MBD5: variants seen among roughly 807,000 people sequenced by gnomAD.
MBD5 encodes the protein methyl-CpG-binding domain protein 5.
In MBD5, 13 loss-of-function variants were observed where a neutral mutation model predicts 117.3. The observed-to-expected ratio is 0.11, with a 90% CI of 0.07 to 0.18. The LOEUF is 0.18. Among genes scored for constraint, MBD5 ranks in the 10% least tolerant of loss-of-function variants. MBD5 has a pLI of 1.00. For missense variants in MBD5, 1,879 were observed against 2,093.8 expected (o/e 0.90, Z 2.00); for synonymous variants, 727 against 766.4 (o/e 0.95, Z 0.85).
At chr2:148,151,819 G>T (rs888347968) in intron 1 of MBD5, among the ~76,000 whole-genome samples, 2 of 151,752 alleles carry the variant, frequency 1.3e-5, no homozygotes, top group African/African-American at 2.4e-5. Flanking sequence ...GCGTCTATTT[G>T]ATTCTTCTCT....
At chr2:148,282,270 T>C (rs1418172141) in intron 3 of MBD5, among the ~76,000 whole-genome samples, 2 of 152,148 alleles carry the variant, frequency 1.3e-5, no homozygotes, top group Admixed American at 1.3e-4. Context: ...ACCCATCACC[T>C]TTGGCATATA....
In MBD5 at chr2:148,420,645, A is replaced by G. The variant is rs546174431; in HGVS notation, c.-556-37558A>G. ...TTTTGTTTTCACTTTTTCTATCACT[A>G]TACTCAAGCCAGGTCCAGCTCTACC... On this transcript the variant is annotated intron_variant, in intron 4 of 13. Transcript: ENST00000642680. Among the ~76,000 whole-genome samples, 9 of 152,276 alleles carry G rather than the reference A, an allele frequency of 5.9e-5. No individual in the cohort carries two copies. The East Asian group carries it at 1.7e-3, about 29-fold the overall frequency.
intron 1 of MBD5, among the ~76,000 whole-genome samples, chr2:148,032,399 AT>A (rs576323632): frequency 1.3e-5 from 2 of 151,676 alleles, no homozygotes; most frequent in African/African-American, 4.8e-5. Context: ...ATCAAGAGGA[AT>A]TTTTTTTTGG....
chr2:148,097,392 G>T (rs963195243), intron 1 of MBD5, among the ~76,000 whole-genome samples: 3 of 152,216 alleles, frequency 2.0e-5, no homozygotes, highest in Non-Finnish European at 4.4e-5. Flanking sequence ...GGGAAGACAG[G>T]TAGCAACGAG....
At chr2:148,111,197 G>T (rs1696496804) in intron 1 of MBD5, among the ~76,000 whole-genome samples, 2 of 152,100 alleles carry the variant, frequency 1.3e-5, no homozygotes, top group South Asian at 4.1e-4. Flanking sequence ...GAGAAATCTG[G>T]CAGATATTGT....
chr2:148,490,882 C>T (rs1681503230), intron 11 of MBD5: 2 of 431,284 alleles, frequency 4.6e-6, no homozygotes, highest in South Asian at 2.3e-5. Context: ...TGCCTTCCCT[C>T]TCTACAGTTA....
At chr2:148,251,223 G>C (rs1700457095) in intron 3 of MBD5, among the ~76,000 whole-genome samples, 1 of 152,160 alleles carries the variant, frequency 6.6e-6, no homozygotes, top group African/African-American at 2.4e-5. Flanking sequence ...AGATTTTTCA[G>C]TCTAAATAAG....
At chr2:148,290,625 T>G (rs1701479012) in intron 3 of MBD5, among the ~76,000 whole-genome samples, 1 of 152,198 alleles carries the variant, frequency 6.6e-6, no homozygotes, top group Non-Finnish European at 1.5e-5. Flanking sequence ...CTCATTATTT[T>G]CTCTTCATTT....
chr2:148,376,041 T>C (rs1183276040), intron 4 of MBD5, among the ~76,000 whole-genome samples: 3 of 151,032 alleles, frequency 2.0e-5, no homozygotes, highest in East Asian at 1.9e-4. Context: ...ATCCCTGGCC[T>C]CTGCCTACTA....
intron 1 of MBD5, among the ~76,000 whole-genome samples, chr2:148,046,125 AG>A (rs1036914158): frequency 1.3e-5 from 2 of 151,906 alleles, no homozygotes; most frequent in African/African-American, 2.4e-5. Flanking sequence ...CTGGGACTAC[AG>A]GCGTGTGCCA....
chr2:148,080,237 A>G (rs1695616533), intron 1 of MBD5, among the ~76,000 whole-genome samples: 1 of 152,196 alleles, frequency 6.6e-6, no homozygotes, highest in Non-Finnish European at 1.5e-5. Context: ...TTTTGGTACA[A>G]TGGAAGCATT....
chr2:148,452,288 G>T (rs561029177), intron 4 of MBD5, among the ~76,000 whole-genome samples: 1 of 152,070 alleles, frequency 6.6e-6, no homozygotes, highest in Non-Finnish European at 1.5e-5. Flanking sequence ...TTGAGCTCAG[G>T]AGTTCAAGAC....
intron 1 of MBD5, among the ~76,000 whole-genome samples, chr2:148,151,832 T>G (rs1444967179): frequency 1.3e-5 from 2 of 151,926 alleles, no homozygotes; most frequent in Non-Finnish European, 2.9e-5. Flanking sequence ...TCTTCTCTCT[T>G]TCTTTCTTTA....
At chr2:148,168,221 G>A (rs1698173460) in intron 1 of MBD5, among the ~76,000 whole-genome samples, 1 of 152,000 alleles carries the variant, frequency 6.6e-6, no homozygotes, top group Non-Finnish European at 1.5e-5. Context: ...TATAACCTCT[G>A]GTTAAATTCC....
intron 3 of MBD5, among the ~76,000 whole-genome samples, chr2:148,320,312 A>T (rs538309416): frequency 6.6e-6 from 1 of 151,920 alleles, no homozygotes; most frequent in Non-Finnish European, 1.5e-5. Context: ...CTTTTGTTTT[A>T]TTGGGAGTTT....
chr2:148,403,769 G>A (rs756419829), intron 4 of MBD5, among the ~76,000 whole-genome samples: 5 of 151,952 alleles, frequency 3.3e-5, no homozygotes, highest in African/African-American at 9.7e-5. Context: ...TGTGTATTTC[G>A]TTCAATACAA....
intron 1 of MBD5, among the ~76,000 whole-genome samples, chr2:148,111,729 T>C (rs1186333937): frequency 6.6e-6 from 1 of 152,124 alleles, no homozygotes; most frequent in African/African-American, 2.4e-5. Flanking sequence ...GCAAAAATTA[T>C]AGTATATATA....
chr2:148,098,513 A>G (rs546294940), intron 1 of MBD5, among the ~76,000 whole-genome samples: 1 of 152,296 alleles, frequency 6.6e-6, no homozygotes, highest in East Asian at 1.9e-4. Flanking sequence ...GGGAATGTGT[A>G]CTGAGAGAAG....
intron 8 of MBD5, chr2:148,472,296 GT>G (rs1680823110): frequency 6.6e-6 from 1 of 152,174 alleles, no homozygotes; most frequent in Non-Finnish European, 1.5e-5. Context: ...TCAGAAAAGT[GT>G]GAGCATATAA....
Sources: gnomAD v4.1 joint callset for allele counts (sites outside exome capture counted in the v4.1 genomes callset) on GRCh38, gnomAD v4.1.1 for gene constraint, MANE v1.5 for transcripts, NCBI Gene and HGNC (gene_info 2026-07-23, HGNC 2026-07-21) for gene names.